The following CHD9 variants were observed in gnomAD, a reference collection of about 807,000 sequenced individuals.
The protein encoded by CHD9 is ATP-dependent chromatin remodeler CHD9.
A neutral mutation model predicts 316.1 loss-of-function variants in CHD9; 77 were observed. That is an observed-to-expected ratio of 0.24 (90% CI 0.20 to 0.29). CHD9 has a LOEUF of 0.29. Ranked by LOEUF, CHD9 falls within the 10% of genes least tolerant of loss-of-function variation. The pLI is 1.00. For synonymous variants in CHD9, 1,129 were observed against 1,158.3 expected (o/e 0.97, Z 0.51); for missense variants, 2,763 against 3,438.1 (o/e 0.80, Z 4.91).
Position 53,190,718 on chromosome 16 carries a change from T to C in CHD9, c.1453-18764T>C, listed in dbSNP as rs564552790. Among the ~76,000 whole-genome samples, 8 of 152,236 alleles carry C rather than the reference T, an allele frequency of 5.3e-5. No homozygotes were observed. In the South Asian group the frequency reaches 1.7e-3, roughly 32 times the overall value. ...TGTGTTTCCCAGAGAGTCTGTTTTT[T>C]GTACCTCTATGTAATAGGTTATTAG... On this transcript the variant is annotated intron_variant, in intron 2 of 38. Coordinates refer to ENST00000447540, the MANE Select transcript of CHD9 (RefSeq NM_001308319.2).
chr16:53,055,665 CCCT>C lies in CHD9; in HGVS notation c.-165+598_-165+600del, dbSNP rs1039869492. On this transcript the variant is annotated intron_variant, in intron 1 of 38. Coordinates refer to ENST00000447540, the MANE Select transcript of CHD9 (RefSeq NM_001308319.2). ...GTTCTAACCCAGAATGCTGATGATT[CCCT>C]CCTCCTCCTATTCCTCCAGTTCGCC... 1.1e-4 allele frequency among the ~76,000 whole-genome samples: 16 copies of C among 152,216 alleles called. No homozygotes were observed. The South Asian group carries it at 1.7e-3, about 16-fold the overall frequency.
chr16:53,257,895 C>G (rs1935599208), intron 19 of CHD9, among the ~76,000 whole-genome samples: 1 of 151,962 alleles, frequency 6.6e-6, no homozygotes, highest in Admixed American at 6.6e-5. Flanking sequence ...AGTTTTGATT[C>G]CTTGGTTCTC....
At position 53,094,677 on chromosome 16, in the gene CHD9, TC is replaced by T. The variant is rs2036235533; in HGVS notation, c.-165+39601del. ...TTTTTTGAGATGGAGTCTTCCTCTG[TC>T]GCCCAGGCTGGAGTGCAATGGTGTG... On this transcript the variant is annotated intron_variant, in intron 1 of 38. Transcript: ENST00000447540. Among the ~76,000 whole-genome samples the T allele has an allele frequency of 3.3e-5, 5 of 150,640 alleles. No individual in the cohort carries two copies. In the South Asian group the frequency reaches 8.5e-4, roughly 26 times the overall value.
At chr16:53,112,009 T>G (rs1019044714) in intron 1 of CHD9, among the ~76,000 whole-genome samples, 79 of 152,366 alleles carry the variant, frequency 5.2e-4, no homozygotes, top group African/African-American at 1.5e-3. Flanking sequence ...TAGGTGAGGT[T>G]AAAAACTTGT....
chr16:53,295,848 C>G (rs1048045156), intron 29 of CHD9, among the ~76,000 whole-genome samples: 30 of 152,190 alleles, frequency 2.0e-4, no homozygotes, highest in Non-Finnish European at 4.0e-4. Flanking sequence ...TACACCTGCA[C>G]TAAGGTTTGC....
chr16:53,177,024 C>T (rs574056656), intron 2 of CHD9, among the ~76,000 whole-genome samples: 3 of 152,146 alleles, frequency 2.0e-5, no homozygotes, highest in Non-Finnish European at 2.9e-5. Flanking sequence ...GGCGCCATCT[C>T]GGCTCAATGC....
chr16:53,118,036 C>T (rs537481054), intron 1 of CHD9, among the ~76,000 whole-genome samples: 1 of 151,950 alleles, frequency 6.6e-6, no homozygotes, highest in East Asian at 2.0e-4. Context: ...ATCTTGTTAG[C>T]CAGGGCAGTT....
At chr16:53,178,810 T>G (rs971776081) in intron 2 of CHD9, among the ~76,000 whole-genome samples, 3 of 152,174 alleles carry the variant, frequency 2.0e-5, no homozygotes, top group Non-Finnish European at 2.9e-5. Flanking sequence ...TTTTAAAGTT[T>G]TCTTCAAAGC....
intron 2 of CHD9, among the ~76,000 whole-genome samples, chr16:53,162,028 G>C (rs1003152195): frequency 9.9e-5 from 15 of 152,196 alleles, no homozygotes; most frequent in Non-Finnish European, 2.2e-4. Context: ...GGGATTACAG[G>C]TGTGAGCCAC....
At chr16:53,221,036 G>A (rs941569035) in intron 3 of CHD9, among the ~76,000 whole-genome samples, 5 of 152,166 alleles carry the variant, frequency 3.3e-5, no homozygotes, top group African/African-American at 1.2e-4. Flanking sequence ...TTTTAGCTGT[G>A]ATCATAGTCT....
intron 29 of CHD9, among the ~76,000 whole-genome samples, chr16:53,296,500 G>A (rs992846057): frequency 3.4e-5 from 5 of 145,304 alleles, no homozygotes; most frequent in African/African-American, 1.3e-4. Flanking sequence ...GAGTGCAGTG[G>A]CACAATCTCG....
intron 1 of CHD9, among the ~76,000 whole-genome samples, chr16:53,148,760 T>G (rs1168792897): frequency 1.3e-5 from 2 of 152,240 alleles, no homozygotes; most frequent in East Asian, 3.8e-4. Flanking sequence ...GATATATGAT[T>G]TACAAATACT....
intron 2 of CHD9, among the ~76,000 whole-genome samples, chr16:53,158,107 G>A (rs914032652): frequency 5.3e-5 from 8 of 152,134 alleles, no homozygotes; most frequent in African/African-American, 1.9e-4. Context: ...AAATGTTAAT[G>A]CTTAATGCTG....
chr16:53,095,426 G>A (rs1365413430), intron 1 of CHD9, among the ~76,000 whole-genome samples: 1 of 151,750 alleles, frequency 6.6e-6, no homozygotes, highest in Non-Finnish European at 1.5e-5. Context: ...GTGTGTGCCT[G>A]TAGTCCCAGC....
At chr16:53,264,935 T>A (rs1310135717) in intron 20 of CHD9, among the ~76,000 whole-genome samples, 1 of 152,184 alleles carries the variant, frequency 6.6e-6, no homozygotes, top group African/African-American at 2.4e-5. Context: ...TCAACAGGGC[T>A]TTGTAGATTA....
intron 1 of CHD9, among the ~76,000 whole-genome samples, chr16:53,130,125 G>A (rs1481354392): frequency 6.6e-6 from 1 of 152,182 alleles, no homozygotes; most frequent in Non-Finnish European, 1.5e-5. Flanking sequence ...GGTTGCAACC[G>A]CAGGCTAGGT....
chr16:53,190,030 A>C lies in CHD9; in HGVS notation c.1453-19452A>C, dbSNP rs111555478. Among the ~76,000 whole-genome samples, 1,128 of 152,204 alleles carry C rather than the reference A, an allele frequency of 7.4e-3. 12 individuals are homozygous for C. The highest frequency in any genetic ancestry group is 0.026 in the African/African-American group (1,078 of 41,550). On this transcript the variant is annotated intron_variant, in intron 2 of 38. Transcript: ENST00000447540. ...TATTCTAAAAATGTCACATTGAACC[A>C]TGATTTTCCCCCAACCCTACCTCCC...
intron 1 of CHD9, among the ~76,000 whole-genome samples, chr16:53,153,537 G>A (rs770066169): frequency 2.0e-4 from 31 of 151,898 alleles, no homozygotes; most frequent in Admixed American, 3.9e-4. Context: ...TTTTTTCTTC[G>A]TTTGTTTTGG....
At chr16:53,305,739 C>T (rs981305072) in intron 31 of CHD9, among the ~76,000 whole-genome samples, 2 of 152,084 alleles carry the variant, frequency 1.3e-5, no homozygotes, top group African/African-American at 4.8e-5. Flanking sequence ...AAAATGAGTC[C>T]AATTAAACAT....
Sources: gnomAD v4.1 joint callset for allele counts (sites outside exome capture counted in the v4.1 genomes callset) on GRCh38, gnomAD v4.1.1 for gene constraint, MANE v1.5 for transcripts, NCBI Gene and HGNC (gene_info 2026-07-23, HGNC 2026-07-21) for gene names.